NUDT1: variants seen among roughly 807,000 people sequenced by gnomAD.
The protein encoded by NUDT1 is oxidized purine nucleoside triphosphate hydrolase.
A neutral mutation model predicts 11.3 loss-of-function variants in NUDT1; 16 were observed. The ratio of observed to expected loss-of-function variants is 1.41; its 90% CI spans 0.96 to 2.15. The LOEUF (loss-of-function observed/expected upper bound fraction) is 2.15. NUDT1 is among the 30% of genes most tolerant of loss of function. NUDT1 has a pLI of 0.00. For missense variants in NUDT1, 234 were observed against 208.4 expected (o/e 1.12, Z -0.76); for synonymous variants, 101 against 84.4 (o/e 1.20, Z -1.08).
chr7:2,247,743 GCT>G (rs1361995801), intron 2 of NUDT1, among the ~76,000 whole-genome samples: 4 of 152,240 alleles, frequency 2.6e-5, no homozygotes, highest in African/African-American at 7.2e-5. Flanking sequence ...TGGAGCTTCA[GCT>G]CTGTCTCCCG....
chr7:2,250,100 G>A, intron 3 of NUDT1, 98 bp downstream of exon 3: 1 of 1,513,426 alleles, frequency 6.6e-7, no homozygotes, highest in Non-Finnish European at 9.0e-7. Context: ...GAGTGCCAGG[G>A]ACCGGGCAGC....
chr7:2,249,700 C>G (rs754483624), intron 2 of NUDT1, 157 bp from the exon 3 acceptor site: 18 of 848,992 alleles, frequency 2.1e-5, no homozygotes, highest in Non-Finnish European at 3.2e-5. Flanking sequence ...CAGGTCGGGA[C>G]CAGATAATGC....
At chr7:2,243,197 G>A (rs982176886) in intron 1 of NUDT1, 15 of 567,602 alleles carry the variant, frequency 2.6e-5, no homozygotes, top group Non-Finnish European at 3.8e-5. Context: ...TTGTGTCTCT[G>A]CCCACTATAA....
intron 1 of NUDT1, 99 bp from the exon 2 acceptor site, chr7:2,244,464 C>T (rs1040328988): frequency 1.2e-4 from 119 of 970,550 alleles, no homozygotes; most frequent in Non-Finnish European, 1.6e-4. Context: ...CCCCCCGCCC[C>T]CCACTGCCTC....
intron 1 of NUDT1, chr7:2,242,923 A>G (rs918559914): frequency 4.2e-6 from 3 of 710,472 alleles, no homozygotes; most frequent in Non-Finnish European, 7.8e-6. Context: ...CTGTATCCCT[A>G]GGTTTCTTGC....
In NUDT1 at chr7:2,244,599, C is replaced by G; in HGVS notation, c.25C>G (p.Leu9Val). The G allele has an allele frequency of 6.2e-7, 1 of 1,610,526 alleles. No homozygotes were observed. Among genetic ancestry groups the G allele is most frequent in the Non-Finnish European group, 8.5e-7 (1 of 1,177,890 alleles). MGASRLYT[L>V]VLVLQPQRVL... The stretch of plus-strand genomic sequence containing the variant: ...CATGGGCGCCTCCAGGCTCTATACC[C>G]TGGTGCTGGTCCTGCAGCCTCAGCG... The change falls in exon 2 of 4, where the codon CTG becomes GTG. Residue 9 changes from leucine to valine, a missense_variant. Transcript: ENST00000356714.
chr7:2,250,933 G>A lies in NUDT1; in HGVS notation c.403G>A (p.Gly135Arg), dbSNP rs182662727. The A allele has an allele frequency of 9.9e-6, 16 of 1,613,942 alleles. No individual in the cohort carries two copies. Among genetic ancestry groups the A allele is most frequent in the Admixed American group, 5.0e-5 (3 of 59,990 alleles). The change falls in exon 4 of 4, where the codon GGG becomes AGG. Residue 135 changes from glycine (G) to arginine (R), a missense_variant. By Grantham distance (125) the Gly-to-Arg change is moderately radical (BLOSUM62 -2). Transcript: ENST00000356714. Reference sequence around the variant, plus strand: ...CCTGCTTCAGAAGAAGAAATTCCACGGGTACTTCAAGTTCCAGGGTCAGGA... The same window carrying A: ...CCTGCTTCAGAAGAAGAAATTCCACAGGTACTTCAAGTTCCAGGGTCAGGA... ...PLLLQKKKFH[G>R]YFKFQGQDTI...
At chr7:2,243,352 C>T (rs1008190720) in intron 1 of NUDT1, among the ~76,000 whole-genome samples, 5 of 152,244 alleles carry the variant, frequency 3.3e-5, no homozygotes, top group East Asian at 1.9e-4. Context: ...CCAGAGACCA[C>T]GCCCTCCTCT....
At chr7:2,244,451 T>TGGCCC in intron 1 of NUDT1, 112 bp from the exon 2 acceptor site, 2 of 981,624 alleles carry the variant, frequency 2.0e-6, no homozygotes, top group Non-Finnish European at 1.5e-6. Flanking sequence ...AGTTACAGCA[T>TGGCCC]ACCCCCCCGC....
chr7:2,249,486 T>C (rs1198211456), intron 2 of NUDT1: 3 of 362,336 alleles, frequency 8.3e-6, no homozygotes, highest in African/African-American at 6.3e-5. Context: ...GTGGGGTCAG[T>C]CCCAACCCTG....
At chr7:2,242,946 G>C (rs764448306) in intron 1 of NUDT1, 13 of 714,006 alleles carry the variant, frequency 1.8e-5, no homozygotes, top group Non-Finnish European at 2.9e-5. Context: ...TGATGTACTG[G>C]AGCAATCAGA....
At chr7:2,243,822 T>A (rs1016976696) in intron 1 of NUDT1, among the ~76,000 whole-genome samples, 17 of 152,182 alleles carry the variant, frequency 1.1e-4, no homozygotes, top group African/African-American at 4.1e-4. Flanking sequence ...TTCTCCAGGG[T>A]CCTTTTTTCA....
chr7:2,249,991 T>C lies in NUDT1; in HGVS notation c.287T>C (p.Val96Ala). 6.2e-7 allele frequency: 1 copy of C among 1,614,040 alleles called. No individual in the cohort carries two copies. The highest frequency in any genetic ancestry group is 8.5e-7 in the Non-Finnish European group (1 of 1,180,014). The change falls in exon 3 of 4, where the codon GTG (valine) becomes GCG (alanine). Residue 96 changes from valine to alanine, a missense_variant. Val to Ala is a moderately conservative substitution (Grantham distance 64). Coordinates refer to ENST00000356714, the MANE Select transcript of NUDT1 (RefSeq NM_002452.4). ...ACAGACAGCATCCAGGGGACCCCCG[T>C]GGAGAGCGACGGTGAGTCTCACAGG... ...FCTDSIQGTP[V>A]ESDEMRPCWF...
chr7:2,246,804 C>CG (rs1237672824), intron 2 of NUDT1, among the ~76,000 whole-genome samples: 1 of 152,090 alleles, frequency 6.6e-6, no homozygotes, highest in Non-Finnish European at 1.5e-5. Context: ...AACCTGGAGA[C>CG]GGGGGTTTCA....
Position 2,244,605 on chromosome 7 carries a change from C to G in NUDT1, c.31C>G (p.Leu11Val), listed in dbSNP as rs758340311. The change falls in exon 2 of 4, where the codon CTG becomes GTG. Residue 11 changes from leucine to valine, a missense_variant. Transcript: ENST00000356714. ...CGCCTCCAGGCTCTATACCCTGGTG[C>G]TGGTCCTGCAGCCTCAGCGAGTTCT... MGASRLYTLV[L>V]VLQPQRVLLG... is the part of the protein sequence containing the mutation. 6 of 1,611,408 alleles carry G rather than the reference C, an allele frequency of 3.7e-6. No individual in the cohort carries two copies. In the African/African-American group the frequency reaches 5.3e-5, roughly 14 times the overall value.
intron 1 of NUDT1, chr7:2,243,038 G>A (rs1350645449): frequency 2.8e-6 from 2 of 716,846 alleles, no homozygotes; most frequent in Non-Finnish European, 5.2e-6. Flanking sequence ...GAAGGCAGTT[G>A]GAGTGGGAAG....
At chr7:2,243,734 C>G (rs1026196967) in intron 1 of NUDT1, among the ~76,000 whole-genome samples, 19 of 152,194 alleles carry the variant, frequency 1.2e-4, no homozygotes, top group Non-Finnish European at 2.9e-5. Flanking sequence ...GATCACGCCA[C>G]TCTCCTCCAG....
chr7:2,247,069 T>G (rs536812972), intron 2 of NUDT1, among the ~76,000 whole-genome samples: 5 of 152,266 alleles, frequency 3.3e-5, no homozygotes, highest in Admixed American at 3.3e-4. Context: ...CCTCAGGGGA[T>G]GACGTACCAT....
In NUDT1 at chr7:2,244,672, A is replaced by G. The variant is rs1213056139; in HGVS notation, c.98A>G (p.Asn33Ser). 1.2e-6 allele frequency: 2 copies of G among 1,613,648 alleles called. No individual in the cohort carries two copies. Among genetic ancestry groups the G allele is most frequent in the Non-Finnish European group, 1.7e-6 (2 of 1,179,846 alleles). Residue 33 changes from asparagine to serine, a missense_variant, in exon 2 of 4, where the codon AAT becomes AGT. By Grantham distance (46) the Asn-to-Ser change is conservative (BLOSUM62 1). Coordinates refer to ENST00000356714, the MANE Select transcript of NUDT1 (RefSeq NM_002452.4). ...KKRGFGAGRW[N>S]GFGGKVQEGE... ...CGAGGCTTCGGGGCCGGCCGGTGGAATGGCTTTGGGGGCAAAGTGCAAGAA... is the reference window on the plus strand; with the variant it reads ...CGAGGCTTCGGGGCCGGCCGGTGGAGTGGCTTTGGGGGCAAAGTGCAAGAA...
Sources: allele counts gnomAD v4.1 joint callset (sites outside exome capture counted in the v4.1 genomes callset), GRCh38; gene constraint gnomAD v4.1.1; transcripts MANE v1.5; gene names NCBI Gene and HGNC (gene_info 2026-07-23, HGNC 2026-07-21).